The following PBX3 variants were observed in gnomAD, a reference collection of about 807,000 sequenced individuals.
PBX3 encodes the protein pre-B-cell leukemia transcription factor 3.
In PBX3, 14 loss-of-function variants were observed where a neutral mutation model predicts 48.5. The ratio of observed to expected loss-of-function variants is 0.29; its 90% CI spans 0.19 to 0.45. The LOEUF (loss-of-function observed/expected upper bound fraction) is 0.45, where lower values mean the gene tolerates loss of function less well. Among genes scored for constraint, PBX3 ranks in the 20% least tolerant of loss-of-function variants. PBX3 has a pLI of 1.00. For missense variants in PBX3, 386 were observed against 546.7 expected (o/e 0.71, Z 2.93); for synonymous variants, 210 against 200.3 (o/e 1.05, Z -0.41).
chr9:125,793,715 C>CCACT (rs1455427670), intron 2 of PBX3, among the ~76,000 whole-genome samples: 16 of 152,072 alleles, frequency 1.1e-4, no homozygotes, highest in Non-Finnish European at 1.9e-4. Flanking sequence ...CAGGCACGAG[C>CCACT]CACTGTGCCC....
chr9:125,917,709 T>G (rs1410148300), intron 3 of PBX3, among the ~76,000 whole-genome samples: 1 of 152,194 alleles, frequency 6.6e-6, no homozygotes, highest in African/African-American at 2.4e-5. Context: ...CTGAATCCTA[T>G]CCCAGAGGTG....
chr9:125,834,282 T>C (rs1226860652), intron 2 of PBX3, among the ~76,000 whole-genome samples: 1 of 152,134 alleles, frequency 6.6e-6, no homozygotes, highest in East Asian at 1.9e-4. Context: ...GAAGTATAGC[T>C]GAGGAGGGAA....
At chr9:125,944,567 G>A (rs1438642981) in intron 5 of PBX3, among the ~76,000 whole-genome samples, 2 of 152,260 alleles carry the variant, frequency 1.3e-5, no homozygotes, top group East Asian at 3.9e-4. Flanking sequence ...GCCATGTGTG[G>A]AATATAGTAC....
intron 2 of PBX3, among the ~76,000 whole-genome samples, chr9:125,757,866 A>G (rs1300148555): frequency 6.6e-6 from 1 of 152,180 alleles, no homozygotes; most frequent in East Asian, 1.9e-4. Context: ...CAGTGAAGAT[A>G]TTTTTAGATT....
chr9:125,864,776 C>T (rs1156747828), intron 2 of PBX3, among the ~76,000 whole-genome samples: 4 of 152,204 alleles, frequency 2.6e-5, no homozygotes, highest in Non-Finnish European at 4.4e-5. Context: ...TTGCCCGTCG[C>T]TCACCTCTTG....
At position 125,915,855 on chromosome 9, in the gene PBX3, A is replaced by G; in HGVS notation, c.444A>G (p.Glu148=). 1 of 1,614,120 alleles carries G rather than the reference A, an allele frequency of 6.2e-7. No individual in the cohort carries two copies. Among genetic ancestry groups the G allele is most frequent in the Non-Finnish European group, 8.5e-7 (1 of 1,180,012 alleles). Residue 148 remains glutamate, a synonymous_variant, in exon 3 of 9, where the codon GAA becomes GAG. Coordinates refer to ENST00000373489, the MANE Select transcript of PBX3 (RefSeq NM_006195.6). Reference sequence around the variant, plus strand: ...GAGGTTCTTCAGATAACTCTATTGAACACTCAGATTACAGAGCCAAATTGA... The same window carrying G: ...GAGGTTCTTCAGATAACTCTATTGAGCACTCAGATTACAGAGCCAAATTGA... ...ASGGSSDNSI[E]HSDYRAKLTQ... is the part of the protein sequence containing the mutation.
intron 4 of PBX3, among the ~76,000 whole-genome samples, chr9:125,933,422 T>G (rs1173097529): frequency 3.3e-5 from 5 of 152,240 alleles, no homozygotes; most frequent in Non-Finnish European, 7.3e-5. Flanking sequence ...GTTTTGAAGT[T>G]TGTTAAAAAC....
At chr9:125,958,012 A>G (rs1431641127) in intron 5 of PBX3, among the ~76,000 whole-genome samples, 1 of 152,208 alleles carries the variant, frequency 6.6e-6, no homozygotes. Context: ...TAAGAAGCGT[A>G]ATCAGAACCC....
At chr9:125,901,545 A>T (rs1840946429) in intron 2 of PBX3, among the ~76,000 whole-genome samples, 1 of 151,728 alleles carries the variant, frequency 6.6e-6, no homozygotes, top group Non-Finnish European at 1.5e-5. Context: ...TACTGTGCAT[A>T]TAGTGGGTAC....
intron 2 of PBX3, among the ~76,000 whole-genome samples, chr9:125,780,784 C>A (rs1184719031): frequency 3.4e-5 from 5 of 145,902 alleles, no homozygotes; most frequent in Admixed American, 6.7e-5. Flanking sequence ...CTGACCCCCC[C>A]ACCTCCCTCC....
At chr9:125,925,148 C>T (rs1841544975) in intron 3 of PBX3, among the ~76,000 whole-genome samples, 1 of 152,156 alleles carries the variant, frequency 6.6e-6, no homozygotes, top group Admixed American at 6.5e-5. Context: ...AAGGACATTC[C>T]TAAGTCAAAT....
Position 125,782,197 on chromosome 9 carries a change from T to G in PBX3, c.274+33574T>G, listed in dbSNP as rs558767775. Among the ~76,000 whole-genome samples, 4 of 152,286 alleles carry G rather than the reference T, an allele frequency of 2.6e-5. No homozygotes were observed. The South Asian group carries it at 8.3e-4, about 32-fold the overall frequency. On this transcript the variant is annotated intron_variant, in intron 2 of 8. Coordinates refer to ENST00000373489, the MANE Select transcript of PBX3 (RefSeq NM_006195.6). Reference sequence around the variant, plus strand: ...GAGGCCTCATAATCATGGTGGAAGGTGAAGGGGACGTCTCACATGGCAGCA... The same window carrying G: ...GAGGCCTCATAATCATGGTGGAAGGGGAAGGGGACGTCTCACATGGCAGCA...
intron 2 of PBX3, among the ~76,000 whole-genome samples, chr9:125,826,085 A>G (rs936520129): frequency 6.6e-6 from 1 of 152,206 alleles, no homozygotes; most frequent in African/African-American, 2.4e-5. Flanking sequence ...TTAGGATAGA[A>G]CATTTAATTC....
At chr9:125,921,864 G>T (rs1841464824) in intron 3 of PBX3, among the ~76,000 whole-genome samples, 1 of 152,112 alleles carries the variant, frequency 6.6e-6, no homozygotes, top group South Asian at 2.1e-4. Flanking sequence ...ATTCTTTCTT[G>T]TCAAAAGTGG....
In PBX3 at chr9:125,960,875, A is replaced by G. The variant is rs781058868; in HGVS notation, c.1009+26A>G. On this transcript the variant is annotated intron_variant, in intron 6 of 8. Transcript: ENST00000373489. Reference sequence around the variant, plus strand: ...GTGCGTACTGGGGGCTCGCTCCCCAACTGGCCCAGGCAGCCTTATGCCACA... The same window carrying G: ...GTGCGTACTGGGGGCTCGCTCCCCAGCTGGCCCAGGCAGCCTTATGCCACA... 8.1e-6 allele frequency: 13 copies of G among 1,606,786 alleles called. No homozygotes were observed. The East Asian group carries it at 1.8e-4, about 22-fold the overall frequency.
intron 2 of PBX3, among the ~76,000 whole-genome samples, chr9:125,847,172 G>A (rs1461892394): frequency 6.6e-6 from 1 of 151,998 alleles, no homozygotes; most frequent in Non-Finnish European, 1.5e-5. Flanking sequence ...TATTGGTAAT[G>A]TTGGCGGCTA....
At chr9:125,779,777 C>G (rs1420019752) in intron 2 of PBX3, among the ~76,000 whole-genome samples, 1 of 148,118 alleles carries the variant, frequency 6.8e-6, no homozygotes, top group Non-Finnish European at 1.5e-5. Context: ...CTGTTGGGTA[C>G]ACCTCCCAGA....
chr9:125,910,761 G>C (rs1347390765), intron 2 of PBX3, among the ~76,000 whole-genome samples: 2 of 150,276 alleles, frequency 1.3e-5, no homozygotes, highest in South Asian at 2.1e-4. Context: ...TGGGCAACTA[G>C]ATCACCTGCC....
rs1332850447 is a variant in PBX3 at position 125,952,843 on chromosome 9, GGAT to G, written c.844-7837_844-7835del. Among the ~76,000 whole-genome samples the G allele has an allele frequency of 4.6e-5, 7 of 152,142 alleles. 1 individual carries two copies. The highest frequency in any genetic ancestry group is 3.9e-4 in the Admixed American group (6 of 15,296). ...ATGCTTGCTGATCTGAAAACAATTT[GGAT>G]GATACCTGAAAACACAAGAAACACA... On this transcript the variant is annotated intron_variant, in intron 5 of 8. Coordinates refer to ENST00000373489, the MANE Select transcript of PBX3 (RefSeq NM_006195.6).
Sources: allele counts gnomAD v4.1 joint callset (sites outside exome capture counted in the v4.1 genomes callset), GRCh38; gene constraint gnomAD v4.1.1; transcripts MANE v1.5; gene names NCBI Gene and HGNC (gene_info 2026-07-23, HGNC 2026-07-21).